The following KLHL20 variants were observed in gnomAD, a reference collection of about 807,000 sequenced individuals.
KLHL20 encodes the protein kelch like family member 20, also known as kelch-like protein 20.
In KLHL20, 29 loss-of-function variants were observed where a neutral mutation model predicts 69.5. The ratio of observed to expected loss-of-function variants is 0.42; its 90% CI spans 0.31 to 0.57. The LOEUF is 0.57. KLHL20 is among the 20% of genes least tolerant of loss of function. The probability of loss-of-function intolerance (pLI) is 0.18; values close to 1 mark genes in which losing one functional copy is unlikely to be tolerated. For synonymous variants in KLHL20, 253 were observed against 265.2 expected, an observed-to-expected ratio of 0.95 and a Z score of 0.45; for missense variants, 419 against 776.0, an observed-to-expected ratio of 0.54 and a Z score of 5.47.
rs939334089 is a variant in KLHL20, at chr1:173,747,658, A to G, written c.598-4106A>G. Among the ~76,000 whole-genome samples the G allele has an allele frequency of 4.3e-4, 66 of 152,064 alleles. 1 individual carries two copies. Among genetic ancestry groups the G allele is most frequent in the Admixed American group, 1.2e-3 (18 of 15,280 alleles). On this transcript the variant is annotated intron_variant, in intron 3 of 11. Coordinates refer to ENST00000209884, the MANE Select transcript of KLHL20 (RefSeq NM_014458.4). ...ATTTGCATTTATTGCTCTGACTGATATGTTTGTTTTCAACTCTATCATATT... is the reference window on the plus strand; with the variant it reads ...ATTTGCATTTATTGCTCTGACTGATGTGTTTGTTTTCAACTCTATCATATT...
At chr1:173,765,668 A>G (rs935569121) in intron 7 of KLHL20, among the ~76,000 whole-genome samples, 17 of 152,316 alleles carry the variant, frequency 1.1e-4, no homozygotes, top group Admixed American at 7.8e-4. Flanking sequence ...TATAACACAT[A>G]TAATAGTAAA....
chr1:173,724,037 T>C (rs1420135708), intron 2 of KLHL20, among the ~76,000 whole-genome samples: 2 of 152,194 alleles, frequency 1.3e-5, no homozygotes, highest in Non-Finnish European at 2.9e-5. Flanking sequence ...ATTTTATGTA[T>C]ACATTTTGAT....
intron 2 of KLHL20, among the ~76,000 whole-genome samples, chr1:173,727,545 T>G (rs910525240): frequency 6.6e-6 from 1 of 152,168 alleles, no homozygotes; most frequent in Non-Finnish European, 1.5e-5. Flanking sequence ...GACTAACAGC[T>G]GATCTCTCGG....
At chr1:173,765,951 A>G (rs1187434055) in intron 7 of KLHL20, among the ~76,000 whole-genome samples, 195 bp from the exon 8 acceptor site, 5 of 152,172 alleles carry the variant, frequency 3.3e-5, no homozygotes, top group African/African-American at 1.2e-4. Context: ...TGATTTTTTT[A>G]AAGAAAATAT....
At position 173,786,372 on chromosome 1, in the gene KLHL20, A is replaced by AT. The variant is rs1272660760; in HGVS notation, c.*1125_*1126insT. ...TCTCTCAAATTGCACTTTCTGGTAA[A>AT]AAGTTAAAAATTTTTAAGGAAAAAA... On this transcript the variant is annotated 3_prime_UTR_variant, in exon 12 of 12. Transcript: ENST00000209884. The AT allele has an allele frequency of 6.6e-6, 1 of 152,522 alleles. No individual in the cohort carries two copies. Among genetic ancestry groups the AT allele is most frequent in the Non-Finnish European group, 1.5e-5 (1 of 67,942 alleles). 9.4% of individuals were successfully genotyped at this position (152,522 alleles called of 1,614,324 possible). A position where few individuals can be genotyped will look rare whatever the true frequency, so the allele number is the denominator to read the frequency against.
In KLHL20 at chr1:173,784,253, G is replaced by C. The variant is rs569533599; in HGVS notation, c.1746-910G>C. Among the ~76,000 whole-genome samples, 4 of 152,326 alleles carry C rather than the reference G, an allele frequency of 2.6e-5. 1 individual carries two copies. Among genetic ancestry groups the C allele is most frequent in the African/African-American group, 9.6e-5 (4 of 41,584 alleles). ...CTGTTTTTAAAGGTGTTCAGGGAAG[G>C]CCTCATTGGAAAGGTAGCATTTTAG... On this transcript the variant is annotated intron_variant, in intron 11 of 11. Coordinates refer to ENST00000209884, the MANE Select transcript of KLHL20 (RefSeq NM_014458.4).
chr1:173,775,902 A>G, intron 10 of KLHL20, 60 bp downstream of exon 10: 3 of 1,419,492 alleles, frequency 2.1e-6, no homozygotes, highest in Non-Finnish European at 3.0e-6. Flanking sequence ...GTGCTGCAAT[A>G]AACATGGGAG....
chr1:173,716,596 G>C (rs1427726634), intron 2 of KLHL20, among the ~76,000 whole-genome samples: 6 of 152,054 alleles, frequency 3.9e-5, no homozygotes, highest in Non-Finnish European at 7.4e-5. Context: ...AACAATGTCT[G>C]GGAAAATATA....
intron 7 of KLHL20, among the ~76,000 whole-genome samples, chr1:173,762,915 C>CT (rs1295716797): frequency 2.7e-4 from 41 of 152,062 alleles, no homozygotes; most frequent in Non-Finnish European, 3.7e-4. Flanking sequence ...GCATCCAAAT[C>CT]AGTAAAGAGG....
chr1:173,748,950 A>G (rs1291844956), intron 3 of KLHL20, among the ~76,000 whole-genome samples: 1 of 152,118 alleles, frequency 6.6e-6, no homozygotes, highest in Non-Finnish European at 1.5e-5. Flanking sequence ...AAATATCTGA[A>G]GAATATTCTT....
intron 8 of KLHL20, among the ~76,000 whole-genome samples, chr1:173,771,535 G>A (rs182659610): frequency 1.2e-4 from 19 of 152,264 alleles, no homozygotes; most frequent in Non-Finnish European, 2.4e-4. Flanking sequence ...GTAGAAGTAC[G>A]ACTTGAGGCC....
rs1218862641 is a variant in KLHL20 at position 173,753,250 on chromosome 1, A to G, written c.794A>G (p.Lys265Arg). Residue 265 changes from lysine (K) to arginine (R), a missense_variant, in exon 5 of 12, where the codon AAG becomes AGG. By Grantham distance (26) the Lys-to-Arg change is conservative (BLOSUM62 2). Transcript: ENST00000209884. The part of the protein sequence containing the change: ...QHVRLPLLSP[K>R]FLVGTVGSDP... ...GTTCGTTTGCCTTTGCTTAGTCCCA[A>G]GTTCCTGGTCGGCACAGTAGGCTCT... 3.1e-6 allele frequency: 5 copies of G among 1,613,964 alleles called. No homozygotes were observed. The highest frequency in any genetic ancestry group is 4.2e-6 in the Non-Finnish European group (5 of 1,179,998).
rs928458623 is a variant in KLHL20, at chr1:173,750,494, T to C, written c.598-1270T>C. The stretch of plus-strand genomic sequence containing the variant: ...CCGGCTAATTTTTCTTTTTCTTTTT[T>C]TTTTTTTTTGAGATGGAGCCTCACT... On this transcript the variant is annotated intron_variant, in intron 3 of 11. Coordinates refer to ENST00000209884, the MANE Select transcript of KLHL20 (RefSeq NM_014458.4). 1.3e-5 allele frequency among the ~76,000 whole-genome samples: 2 copies of C among 151,602 alleles called. 1 individual carries two copies. Among genetic ancestry groups the C allele is most frequent in the Non-Finnish European group, 2.9e-5 (2 of 67,888 alleles).
In KLHL20 at chr1:173,760,762, C is replaced by G. The variant is rs148791818; in HGVS notation, c.1151+3603C>G. Among the ~76,000 whole-genome samples, 23 of 152,266 alleles carry G rather than the reference C, an allele frequency of 1.5e-4. No homozygotes were observed. The South Asian group carries it at 1.9e-3, about 12-fold the overall frequency. On this transcript the variant is annotated intron_variant, in intron 7 of 11. Coordinates refer to ENST00000209884, the MANE Select transcript of KLHL20 (RefSeq NM_014458.4). ...TCCTGGAAACACATCAAAACAGAAC[C>G]TCTTTAAAGCATAAATCACACAGTA... is the stretch of plus-strand genomic sequence containing the variant.
chr1:173,783,325 G>A (rs1254232521), intron 11 of KLHL20, among the ~76,000 whole-genome samples: 1 of 152,184 alleles, frequency 6.6e-6, no homozygotes, highest in Non-Finnish European at 1.5e-5. Flanking sequence ...GACCATGAAG[G>A]ATAAGCTGAG....
intron 11 of KLHL20, among the ~76,000 whole-genome samples, chr1:173,784,820 T>A (rs894751234): frequency 6.6e-6 from 1 of 152,166 alleles, no homozygotes; most frequent in South Asian, 2.1e-4. Context: ...GGCAAAATTT[T>A]GAAAATGTAG....
chr1:173,772,063 A>C (rs1459827388), intron 8 of KLHL20, among the ~76,000 whole-genome samples: 1 of 152,220 alleles, frequency 6.6e-6, no homozygotes, highest in Admixed American at 6.5e-5. Context: ...ATGAATTTGA[A>C]CTAAATTCCT....
chr1:173,755,042 G>A (rs1673479259), intron 5 of KLHL20, among the ~76,000 whole-genome samples: 2 of 151,402 alleles, frequency 1.3e-5, no homozygotes. Context: ...AAGCTATTAG[G>A]AGATCAAAGT....
chr1:173,783,462 A>G (rs1460505586), intron 11 of KLHL20, among the ~76,000 whole-genome samples: 4 of 152,200 alleles, frequency 2.6e-5, no homozygotes, highest in Admixed American at 6.5e-5. Context: ...TGGATCCTAC[A>G]TATGTCTCAC....
Sources: allele counts gnomAD v4.1 joint callset (sites outside exome capture counted in the v4.1 genomes callset), GRCh38; gene constraint gnomAD v4.1.1; transcripts MANE v1.5; gene names NCBI Gene and HGNC (gene_info 2026-07-23, HGNC 2026-07-21).